RAB18: variants seen among roughly 807,000 people sequenced by gnomAD.
RAB18 encodes RAB18, member RAS oncogene family.
Under a neutral mutation model 28.5 loss-of-function variants are expected in RAB18, and 10 were observed. The ratio of observed to expected loss-of-function variants is 0.35; its 90% CI spans 0.22 to 0.60. RAB18 has a LOEUF of 0.60. Among genes scored for constraint, RAB18 ranks in the 20% least tolerant of loss-of-function variants. RAB18 has a pLI of 0.78. For synonymous variants in RAB18, 93 were observed against 86.9 expected (o/e 1.07, Z -0.39); for missense variants, 188 against 244.2 (o/e 0.77, Z 1.53).
intron 2 of RAB18, among the ~76,000 whole-genome samples, chr10:27,521,181 T>C (rs565533773): frequency 6.6e-6 from 1 of 152,176 alleles, no homozygotes; most frequent in Non-Finnish European, 1.5e-5. Flanking sequence ...TTTTTTAATA[T>C]GTATTAAGAC....
At chr10:27,509,396 GTGT>G (rs1401859495) in intron 1 of RAB18, among the ~76,000 whole-genome samples, 1 of 152,076 alleles carries the variant, frequency 6.6e-6, no homozygotes, top group African/African-American at 2.4e-5. Context: ...GCCGTACTGC[GTGT>G]TACAGAATGC....
chr10:27,526,717 T>C lies in RAB18; in HGVS notation c.125-111T>C, dbSNP rs1220841235. Reference sequence around the variant, plus strand: ...CATCCAGAATTCTAAGAAGTTGGGGTGTGAATTGGGCATTTGATAATAGTG... The same window carrying C: ...CATCCAGAATTCTAAGAAGTTGGGGCGTGAATTGGGCATTTGATAATAGTG... On this transcript the variant is annotated intron_variant, in intron 2 of 6. Coordinates refer to ENST00000356940, the MANE Select transcript of RAB18 (RefSeq NM_021252.5). The C allele has an allele frequency of 1.0e-5, 13 of 1,262,628 alleles. No homozygotes were observed. The East Asian group carries it at 3.1e-4, about 30-fold the overall frequency. The allele number at this position is 1,262,628 out of a possible 1,614,324, so 78.2% of individuals were successfully genotyped here.
chr10:27,513,554 C>A (rs1834370420), intron 2 of RAB18, among the ~76,000 whole-genome samples: 1 of 152,106 alleles, frequency 6.6e-6, no homozygotes, highest in Admixed American at 6.6e-5. Flanking sequence ...ATAAAGTTAG[C>A]ATTCTTCTTT....
At chr10:27,523,118 A>G (rs1389338804) in intron 2 of RAB18, among the ~76,000 whole-genome samples, 1 of 151,968 alleles carries the variant, frequency 6.6e-6, no homozygotes, top group Non-Finnish European at 1.5e-5. Flanking sequence ...CTTTTCTAAT[A>G]TGGGTGTTTA....
rs761879479 is a variant in RAB18, at chr10:27,505,166, T to C, written c.68+729T>C. On this transcript the variant is annotated intron_variant, in intron 1 of 6. Transcript: ENST00000356940. ...TTTACTTTTTCCTTGGGGAAAATAA[T>C]ATTGACAGTGGAGTTGAGTATAAGG... The C allele has an allele frequency of 3.8e-5, 20 of 532,160 alleles. 1 individual carries two copies. In the East Asian group the frequency reaches 9.8e-4, roughly 26 times the overall value. The allele number at this position is 532,160 out of a possible 1,614,324, so 33.0% of individuals were successfully genotyped here. A position where few individuals can be genotyped will look rare whatever the true frequency, so the allele number is the denominator to read the frequency against.
At chr10:27,530,447 CAG>C (rs1189081890) in intron 3 of RAB18, among the ~76,000 whole-genome samples, 1 of 150,026 alleles carries the variant, frequency 6.7e-6, no homozygotes, top group Non-Finnish European at 1.5e-5. Context: ...CTCTCTAAAA[CAG>C]ATAGTCTGTA....
In RAB18 at chr10:27,540,259, C is replaced by A. The variant is rs1162254168; in HGVS notation, c.*2208C>A. 2.2e-6 allele frequency: 1 copy of A among 453,906 alleles called. No homozygotes were observed. Among genetic ancestry groups the A allele is most frequent in the Non-Finnish European group, 4.4e-6 (1 of 226,758 alleles). The allele number at this position is 453,906 out of a possible 1,614,324, so 28.1% of individuals were successfully genotyped here. A position where few individuals can be genotyped will look rare whatever the true frequency, so the allele number is the denominator to read the frequency against. On this transcript the variant is annotated 3_prime_UTR_variant, in exon 7 of 7. Coordinates refer to ENST00000356940, the MANE Select transcript of RAB18 (RefSeq NM_021252.5). ...TCACAGCAACCTTAAGAGATTAGTA[C>A]TCCTATTATGCCCATTTTAAAGGTG...
At chr10:27,510,058 C>T (rs1423782282) in intron 2 of RAB18, 128 bp downstream of exon 2, 2 of 740,120 alleles carry the variant, frequency 2.7e-6, no homozygotes, top group Non-Finnish European at 4.7e-6. Flanking sequence ...TCTTATTTGT[C>T]CTTCAAGACT....
Position 27,541,786 on chromosome 10 carries a change from G to T in RAB18, c.*3735G>T, listed in dbSNP as rs753928042. On this transcript the variant is annotated 3_prime_UTR_variant, in exon 7 of 7. Coordinates refer to ENST00000356940, the MANE Select transcript of RAB18 (RefSeq NM_021252.5). Reference sequence around the variant, plus strand: ...TAATTTCTTGTTTGTGTGTGCTGTGGCTGCCCGATCCAGCACCTACTTCCT... The same window carrying T: ...TAATTTCTTGTTTGTGTGTGCTGTGTCTGCCCGATCCAGCACCTACTTCCT... 27 of 453,628 alleles carry T rather than the reference G, an allele frequency of 6.0e-5. No homozygotes were observed. Among genetic ancestry groups the T allele is most frequent in the South Asian group, 4.2e-4 (27 of 64,456 alleles). The allele number at this position is 453,628 out of a possible 1,614,324, so 28.1% of individuals were successfully genotyped here.
rs578150705 is a variant in RAB18, at chr10:27,541,182, G to C, written c.*3131G>C. 254 of 453,742 alleles carry C rather than the reference G, an allele frequency of 5.6e-4. 2 individuals are homozygous for C. The highest frequency in any genetic ancestry group is 3.8e-3 in the South Asian group (244 of 64,460). The allele number at this position is 453,742 out of a possible 1,614,324, so 28.1% of individuals were successfully genotyped here. On this transcript the variant is annotated 3_prime_UTR_variant, in exon 7 of 7. Transcript: ENST00000356940. ...AGTATAGGGGTAAAAACGTTATTCA[G>C]CTTTCAGAAGACATTGTTCTGACTC...
chr10:27,536,302 CAT>C (rs1312352574), intron 6 of RAB18, among the ~76,000 whole-genome samples: 1 of 152,146 alleles, frequency 6.6e-6, no homozygotes, highest in Non-Finnish European at 1.5e-5. Flanking sequence ...CATTCAAGGT[CAT>C]GTGATTAGAG....
intron 3 of RAB18, chr10:27,531,414 C>T: frequency 4.2e-6 from 6 of 1,413,928 alleles, no homozygotes; most frequent in Non-Finnish European, 5.6e-6. Flanking sequence ...GTTATTCTAA[C>T]ATTTTTATAT....
intron 6 of RAB18, among the ~76,000 whole-genome samples, chr10:27,535,946 G>A (rs908019237): frequency 5.9e-5 from 9 of 152,142 alleles, no homozygotes; most frequent in Non-Finnish European, 4.4e-5. Context: ...CACCGGGCGT[G>A]GTGGCGGGTG....
Position 27,540,519 on chromosome 10 carries a change from G to A in RAB18, c.*2468G>A, listed in dbSNP as rs1338677227. The A allele has an allele frequency of 4.4e-6, 2 of 453,878 alleles. No individual in the cohort carries two copies. Among genetic ancestry groups the A allele is most frequent in the African/African-American group, 2.0e-5 (1 of 49,966 alleles). The allele number at this position is 453,878 out of a possible 1,614,324, so 28.1% of individuals were successfully genotyped here. A position where few individuals can be genotyped will look rare whatever the true frequency, so the allele number is the denominator to read the frequency against. ...TAATAGAAGTATTTCACACTTTTGGGTTATAGAGTAAATCCCATGATGTAA... is the reference window on the plus strand; with the variant it reads ...TAATAGAAGTATTTCACACTTTTGGATTATAGAGTAAATCCCATGATGTAA... On this transcript the variant is annotated 3_prime_UTR_variant, in exon 7 of 7. Transcript: ENST00000356940.
intron 2 of RAB18, among the ~76,000 whole-genome samples, chr10:27,516,193 G>T (rs1182844465): frequency 6.6e-6 from 1 of 152,002 alleles, no homozygotes; most frequent in Admixed American, 6.6e-5. Flanking sequence ...ATAGGTTTTG[G>T]TATGGAGTGT....
At chr10:27,533,660 C>T in intron 4 of RAB18, 75 bp from the exon 5 acceptor site, 1 of 1,575,776 alleles carries the variant, frequency 6.3e-7, no homozygotes, top group Non-Finnish European at 8.7e-7. Context: ...AATGCTAACT[C>T]CTAGCTACAT....
chr10:27,520,818 G>A (rs1203829845), intron 2 of RAB18, among the ~76,000 whole-genome samples: 2 of 150,006 alleles, frequency 1.3e-5, no homozygotes, highest in South Asian at 2.1e-4. Context: ...TAGGGAGGCT[G>A]GGATGAGTAA....
rs1036592481 is a variant in RAB18, at chr10:27,541,895, A to G, written c.*3844A>G. On this transcript the variant is annotated 3_prime_UTR_variant, in exon 7 of 7. Coordinates refer to ENST00000356940, the MANE Select transcript of RAB18 (RefSeq NM_021252.5). ...GGCATTGTCACACCCTCGGCTTTCTAGATTAACCCAGTTACCTTTTAGCAG... is the reference window on the plus strand; with the variant it reads ...GGCATTGTCACACCCTCGGCTTTCTGGATTAACCCAGTTACCTTTTAGCAG... 6.6e-6 allele frequency: 3 copies of G among 452,136 alleles called. No homozygotes were observed. Among genetic ancestry groups the G allele is most frequent in the East Asian group, 7.0e-5 (1 of 14,286 alleles). The allele number at this position is 452,136 out of a possible 1,614,324, so 28.0% of individuals were successfully genotyped here. A position where few individuals can be genotyped will look rare whatever the true frequency, so the allele number is the denominator to read the frequency against.
At position 27,511,982 on chromosome 10, in the gene RAB18, G is replaced by A. The variant is rs1217446955; in HGVS notation, c.124+2052G>A. ...TTTTTTTCTTTTTTTGTGAGGCAGT[G>A]TCTCACTGTGTTGCCCAGGCTGGCC... On this transcript the variant is annotated intron_variant, in intron 2 of 6. Transcript: ENST00000356940. 2.0e-5 allele frequency among the ~76,000 whole-genome samples: 3 copies of A among 151,742 alleles called. No individual in the cohort carries two copies. In the East Asian group the frequency reaches 5.8e-4, roughly 29 times the overall value.
Sources: gnomAD v4.1 joint callset for allele counts (sites outside exome capture counted in the v4.1 genomes callset) on GRCh38, gnomAD v4.1.1 for gene constraint, MANE v1.5 for transcripts, NCBI Gene and HGNC (gene_info 2026-07-23, HGNC 2026-07-21) for gene names.